The following AGMO variants were observed in gnomAD, a reference collection of about 807,000 sequenced individuals.
AGMO encodes the protein glyceryl-ether monooxygenase.
AGMO carries 75 observed loss-of-function variants against 60.2 expected under a neutral mutation model. That is an observed-to-expected ratio of 1.25 (90% confidence interval 1.03 to 1.51). The LOEUF (loss-of-function observed/expected upper bound fraction) is 1.51. AGMO is among the 40% of genes most tolerant of loss of function. The pLI, the probability that AGMO is intolerant of heterozygous loss-of-function variation, is 0.00. For missense variants in AGMO, 763 were observed against 525.5 expected (o/e 1.45, Z -4.42); for synonymous variants, 261 against 177.1 (o/e 1.47, Z -3.76).
chr7:15,353,232 A>G (rs971520739), intron 12 of AGMO, among the ~76,000 whole-genome samples: 1 of 152,186 alleles, frequency 6.6e-6, no homozygotes, highest in Non-Finnish European at 1.5e-5. Flanking sequence ...ACATCCACGA[A>G]TAAGTCATGT....
At chr7:15,361,771 A>G (rs977267947) in intron 12 of AGMO, among the ~76,000 whole-genome samples, 5 of 152,124 alleles carry the variant, frequency 3.3e-5, no homozygotes, top group Admixed American at 2.6e-4. Flanking sequence ...CAGAAAGAGG[A>G]TAACTATAAA....
intron 6 of AGMO, among the ~76,000 whole-genome samples, chr7:15,393,663 C>T (rs939113381): frequency 1.3e-5 from 2 of 152,132 alleles, no homozygotes; most frequent in African/African-American, 2.4e-5. Context: ...TGAGATTGTT[C>T]AACGCCTTAG....
intron 4 of AGMO, among the ~76,000 whole-genome samples, chr7:15,420,523 A>G (rs1449947674): frequency 1.3e-5 from 2 of 152,144 alleles, no homozygotes; most frequent in African/African-American, 2.4e-5. Context: ...ATAATTTCTT[A>G]TGATTAATAC....
At chr7:15,145,723 G>A in the AGMO span, among the ~76,000 whole-genome samples, 4 of 152,022 alleles carry the variant, frequency 2.6e-5, no homozygotes, top group Admixed American at 6.6e-5. Flanking sequence ...CACAGTAGAA[G>A]ATATAAAGAT....
At chr7:15,496,617 T>G (rs1013099902) in intron 3 of AGMO, among the ~76,000 whole-genome samples, 6 of 152,088 alleles carry the variant, frequency 3.9e-5, no homozygotes, top group Admixed American at 2.6e-4. Flanking sequence ...TGAACAGATA[T>G]GAAATAACAC....
chr7:15,408,252 G>A (rs1784756219), intron 5 of AGMO, among the ~76,000 whole-genome samples: 1 of 151,728 alleles, frequency 6.6e-6, no homozygotes, highest in Admixed American at 6.6e-5. Context: ...TGAATTTAAG[G>A]GTTTTGATTT....
chr7:15,207,885 G>A (rs1225565668), intron 12 of AGMO, among the ~76,000 whole-genome samples: 1 of 152,234 alleles, frequency 6.6e-6, no homozygotes, highest in Non-Finnish European at 1.5e-5. Context: ...AGTGAGCCGA[G>A]ATGGTGCCAC....
At chr7:15,392,539 G>A (rs544147063) in intron 6 of AGMO, among the ~76,000 whole-genome samples, 2 of 152,108 alleles carry the variant, frequency 1.3e-5, no homozygotes, top group Admixed American at 1.3e-4. Flanking sequence ...AGTGACTCAG[G>A]CCTGTAATCC....
intron 5 of AGMO, among the ~76,000 whole-genome samples, chr7:15,399,872 G>T (rs1281524549): frequency 2.0e-5 from 3 of 152,172 alleles, no homozygotes; most frequent in Non-Finnish European, 4.4e-5. Context: ...TTTCTGGATA[G>T]TGATTTCTAA....
chr7:15,140,523 T>A, the AGMO span, among the ~76,000 whole-genome samples: 1 of 152,162 alleles, frequency 6.6e-6, no homozygotes, highest in African/African-American at 2.4e-5. Flanking sequence ...TTAGACATAT[T>A]TCAGGACTTC....
chr7:15,432,361 T>TACATACATATATATATAC (rs1781275318), intron 3 of AGMO, among the ~76,000 whole-genome samples: 18 of 123,874 alleles, frequency 1.5e-4, no homozygotes, highest in South Asian at 1.4e-3. Context: ...CATATATATA[T>TACATACATATATATATAC]ACACACACAT....
chr7:15,461,883 T>G (rs1018801720), intron 3 of AGMO, among the ~76,000 whole-genome samples: 4 of 152,180 alleles, frequency 2.6e-5, no homozygotes, highest in Middle Eastern at 6.8e-3. Context: ...GGACCAGAGA[T>G]TCAATGTCAC....
intron 12 of AGMO, among the ~76,000 whole-genome samples, chr7:15,259,679 A>G (rs1783209932): frequency 6.6e-6 from 1 of 152,060 alleles, no homozygotes; most frequent in Non-Finnish European, 1.5e-5. Context: ...TCACCTATAA[A>G]GGAAAACCTA....
intron 5 of AGMO, among the ~76,000 whole-genome samples, chr7:15,405,526 C>G (rs1784663242): frequency 6.6e-6 from 1 of 151,890 alleles, no homozygotes; most frequent in Non-Finnish European, 1.5e-5. Flanking sequence ...TCACATTATT[C>G]TGATGCATGC....
At chr7:15,314,529 A>G (rs1780859115) in intron 12 of AGMO, among the ~76,000 whole-genome samples, 1 of 152,166 alleles carries the variant, frequency 6.6e-6, no homozygotes, top group Non-Finnish European at 1.5e-5. Context: ...TAAAAGTTTA[A>G]CTGGATTTTC....
chr7:15,431,372 T>G (rs1311238492), intron 3 of AGMO, among the ~76,000 whole-genome samples: 1 of 151,842 alleles, frequency 6.6e-6, no homozygotes, highest in Admixed American at 6.6e-5. Context: ...TCCAACAAAC[T>G]GACATTAATT....
At chr7:15,420,301 T>C (rs527810521) in intron 4 of AGMO, among the ~76,000 whole-genome samples, 1 of 152,180 alleles carries the variant, frequency 6.6e-6, no homozygotes, top group Admixed American at 6.6e-5. Context: ...GAATCACAAG[T>C]CTATTAGCAC....
At chr7:15,255,462 G>A (rs530094564) in intron 12 of AGMO, among the ~76,000 whole-genome samples, 1 of 144,258 alleles carries the variant, frequency 6.9e-6, no homozygotes, top group South Asian at 2.2e-4. Flanking sequence ...CAAAAAAACT[G>A]AAAAGGATTG....
chr7:15,534,961 T>C (rs980391219), intron 3 of AGMO, among the ~76,000 whole-genome samples: 2 of 151,934 alleles, frequency 1.3e-5, no homozygotes, highest in African/African-American at 4.8e-5. Flanking sequence ...TTCATAACTT[T>C]TTTACTTATG....
Sources: allele counts gnomAD v4.1 joint callset (sites outside exome capture counted in the v4.1 genomes callset), GRCh38; gene constraint gnomAD v4.1.1; transcripts MANE v1.5; gene names NCBI Gene and HGNC (gene_info 2026-07-23, HGNC 2026-07-21).